Variants in TMPRSS9 observed in about 807,000 individuals in gnomAD.
TMPRSS9 encodes transmembrane serine protease 9, also known as transmembrane protease serine 9.
TMPRSS9 carries 113 observed loss-of-function variants against 111.4 expected under a neutral mutation model. The observed-to-expected ratio is 1.01, with a 90% CI of 0.87 to 1.19. The LOEUF (loss-of-function observed/expected upper bound fraction) is 1.19, where lower values mean the gene tolerates loss of function less well. TMPRSS9 is among the 50% of genes most tolerant of loss of function. The pLI, the probability that TMPRSS9 is intolerant of heterozygous loss-of-function variation, is 0.00. For missense variants in TMPRSS9, 1,803 were observed against 1,513.1 expected, an observed-to-expected ratio of 1.19 and a Z score of -3.18; for synonymous variants, 805 against 659.1, an observed-to-expected ratio of 1.22 and a Z score of -3.39.
intron 1 of TMPRSS9, among the ~76,000 whole-genome samples, chr19:2,368,356 G>T (rs77413451): frequency 0.014 from 2,202 of 152,158 alleles, 58 homozygotes; most frequent in African/African-American, 0.049. Context: ...GAATGTGAAG[G>T]GCACATTAGG....
intron 1 of TMPRSS9, among the ~76,000 whole-genome samples, chr19:2,395,078 C>A (rs1446375586): frequency 6.6e-6 from 1 of 152,020 alleles, no homozygotes; most frequent in Admixed American, 6.6e-5. Context: ...GTCAGGAGTT[C>A]CCGACCAGCC....
At position 2,408,351 on chromosome 19, in the gene TMPRSS9, T is replaced by G. The variant is rs748443252; in HGVS notation, c.843-5T>G. 6.2e-7 allele frequency: 1 copy of G among 1,611,208 alleles called. No individual in the cohort carries two copies. Among genetic ancestry groups the G allele is most frequent in the Non-Finnish European group, 8.5e-7 (1 of 1,177,982 alleles). On this transcript the variant is annotated splice_polypyrimidine_tract_variant and splice_region_variant and intron_variant, in intron 7 of 17. Coordinates refer to ENST00000648592, the Ensembl canonical transcript of TMPRSS9. ...TGGCTTCTGAGCTGGGGTTTGCTCC[T>G]GCAGGTTCCAAGACCCGACGAAGTG... is the stretch of plus-strand genomic sequence containing the variant.
chr19:2,389,749 T>C (rs771622714), upstream of TMPRSS9: 6 of 1,590,580 alleles, frequency 3.8e-6, no homozygotes, highest in African/African-American at 8.1e-5. Flanking sequence ...TGTCTTGCTG[T>C]GTGGCATCCA....
At position 2,401,974 on chromosome 19, in the gene TMPRSS9, G is replaced by C. The variant is rs750080945; in HGVS notation, c.515-1G>C. The C allele has an allele frequency of 6.2e-7, 1 of 1,610,300 alleles. No individual in the cohort carries two copies. Among genetic ancestry groups the C allele is most frequent in the South Asian group, 1.1e-5 (1 of 90,960 alleles). ...CTTCTATCTTCTCTGTTTTGTTGCA[G>C]GGAGACATAAGGGACCCTTGGCAGA... On this transcript the variant is annotated splice_acceptor_variant, in intron 4 of 17. Coordinates refer to ENST00000648592, the Ensembl canonical transcript of TMPRSS9. LOFTEE classifies it high-confidence loss of function.
chr19:2,372,131 C>T (rs1970295956), intron 1 of TMPRSS9, among the ~76,000 whole-genome samples: 1 of 152,166 alleles, frequency 6.6e-6, no homozygotes, highest in Non-Finnish European at 1.5e-5. Flanking sequence ...TCTGGGATTA[C>T]AGGCGTGAGC....
intron 1 of TMPRSS9, among the ~76,000 whole-genome samples, chr19:2,378,624 A>G (rs781364600): frequency 2.2e-4 from 34 of 152,196 alleles, no homozygotes; most frequent in Non-Finnish European, 8.8e-5. Context: ...AGGCTGAGGC[A>G]GAAGAATTGC....
At chr19:2,411,584 G>A (rs1458677092) in intron 9 of TMPRSS9, among the ~76,000 whole-genome samples, 1 of 147,612 alleles carries the variant, frequency 6.8e-6, no homozygotes, top group Non-Finnish European at 1.5e-5. Flanking sequence ...TTTTAATTAA[G>A]ACACTGTCTC....
chr19:2,379,615 CT>C (rs1970365929), intron 1 of TMPRSS9, among the ~76,000 whole-genome samples: 25 of 118,510 alleles, frequency 2.1e-4, no homozygotes, highest in Non-Finnish European at 3.5e-4. Context: ...AACTTTCTTT[CT>C]CTTTCTTTCT....
intron 1 of TMPRSS9, among the ~76,000 whole-genome samples, chr19:2,363,035 C>T (rs1970214247): frequency 6.6e-6 from 1 of 152,184 alleles, no homozygotes; most frequent in South Asian, 2.1e-4. Context: ...AGCGCTCAGG[C>T]TGGCCTGACC....
chr19:2,360,782 G>A (rs902005969), intron 1 of TMPRSS9, among the ~76,000 whole-genome samples: 13 of 151,980 alleles, frequency 8.6e-5, no homozygotes, highest in Admixed American at 5.9e-4. Context: ...GGTGTGGTGT[G>A]TAGATGCACG....
upstream of TMPRSS9, among the ~76,000 whole-genome samples, chr19:2,384,811 T>TAA (rs1970440986): frequency 1.4e-5 from 1 of 71,476 alleles, no homozygotes; most frequent in African/African-American, 5.6e-5. Context: ...TAAGGCTCCG[T>TAA]CAAAAAAAAA....
intron 13 of TMPRSS9, among the ~76,000 whole-genome samples, chr19:2,420,669 A>C (rs1488886234): frequency 6.6e-6 from 1 of 152,154 alleles, no homozygotes; most frequent in Admixed American, 6.6e-5. Flanking sequence ...ACCCCAGGCA[A>C]GTGCCTTAAC....
intron 7 of TMPRSS9, among the ~76,000 whole-genome samples, chr19:2,406,600 G>A (rs1246896546): frequency 6.6e-6 from 1 of 151,622 alleles, no homozygotes; most frequent in Non-Finnish European, 1.5e-5. Context: ...CTCCCAAAGT[G>A]CTGGGATTAC....
intron 1 of TMPRSS9, among the ~76,000 whole-genome samples, chr19:2,366,718 G>A (rs1224507984): frequency 2.0e-5 from 3 of 152,088 alleles, no homozygotes; most frequent in Admixed American, 6.6e-5. Flanking sequence ...TTAGCCGGGC[G>A]TGGTGGCGGG....
At position 2,424,187 on chromosome 19, in the gene TMPRSS9, CG is replaced by C; in HGVS notation, c.2650del (p.Glu884AsnfsTer34). 3 of 1,461,846 alleles carry C rather than the reference CG, an allele frequency of 2.1e-6. No homozygotes were observed. The highest frequency in any genetic ancestry group is 1.4e-5 in the South Asian group (1 of 71,752). The allele number at this position is 1,461,846 out of a possible 1,614,324, so 90.6% of individuals were successfully genotyped here. On this transcript the variant is annotated frameshift_variant, in exon 15 of 18. Transcript: ENST00000648592. LOFTEE classifies it high-confidence loss of function. ...GCAGGTGAGCCTGTGGCTGCGGCGC[CG>C]GGAACACCGTTGCGGGGCCGTGCTG... is the stretch of plus-strand genomic sequence containing the variant.
Position 2,375,808 on chromosome 19 carries a change from A to G in TMPRSS9, c.-25-13953A>G, listed in dbSNP as rs568840334. ...GGCAGACAAAAAACACATACCCTAG[A>G]AAATTACAACTGAAGGGACAAAGCA... On this transcript the variant is annotated intron_variant, in intron 1 of 17. Coordinates refer to the TMPRSS9 transcript ENST00000649857. Among the ~76,000 whole-genome samples the G allele has an allele frequency of 2.5e-3, 375 of 152,268 alleles. 1 individual carries two copies. Among genetic ancestry groups the G allele is most frequent in the African/African-American group, 8.4e-3 (351 of 41,552 alleles).
intron 1 of TMPRSS9, among the ~76,000 whole-genome samples, chr19:2,369,266 T>A (rs6510659): frequency 0.44 from 42,622 of 97,492 alleles, 7,125 homozygotes; most frequent in African/African-American, 0.61. Context: ...TTAAAAAAAA[T>A]TTTTTTGTAC....
At chr19:2,386,323 G>A (rs912976872), upstream of TMPRSS9, among the ~76,000 whole-genome samples, 1 of 151,866 alleles carries the variant, frequency 6.6e-6, no homozygotes, top group African/African-American at 2.4e-5. Context: ...GGCTAACATG[G>A]TGAAACCCCG....
intron 17 of TMPRSS9, 34 bp from the exon 19 acceptor site, chr19:2,425,893 G>A (rs368837180): frequency 4.5e-6 from 7 of 1,556,172 alleles, no homozygotes; most frequent in East Asian, 4.6e-5. Context: ...GGGAGGTACC[G>A]GCCTCTGAAC....
Sources: allele counts gnomAD v4.1 joint callset (sites outside exome capture counted in the v4.1 genomes callset), GRCh38; gene constraint gnomAD v4.1.1; transcripts MANE v1.5; gene names NCBI Gene and HGNC (gene_info 2026-07-23, HGNC 2026-07-21).